Variants in VWF observed in about 807,000 individuals in gnomAD.
The protein encoded by VWF is von Willebrand factor, also known as Factor VIII related antigen.
A neutral mutation model predicts 308.6 loss-of-function variants in VWF; 176 were observed. That is an observed-to-expected ratio of 0.57 (90% CI 0.50 to 0.65). The LOEUF (loss-of-function observed/expected upper bound fraction) is 0.65. VWF is among the 30% of genes least tolerant of loss of function. The probability of loss-of-function intolerance (pLI) is 0.00; values close to 1 mark genes in which losing one functional copy is unlikely to be tolerated. For missense variants in VWF, 3,146 were observed against 3,648.2 expected (o/e 0.86, Z 3.55); for synonymous variants, 1,385 against 1,443.4 (o/e 0.96, Z 0.92).
rs1944350733 is a variant in VWF at position 6,037,515 on chromosome 12, T to C, written c.2443-1024A>G. On this transcript the variant is annotated intron_variant, in intron 18 of 51. Coordinates refer to ENST00000261405, the MANE Select transcript of VWF (RefSeq NM_000552.5). ...GAGCATGTTGTATTCCTCCGGTCTG[T>C]TGGGGCTGAGAAAATAAAAGAACTA... 2.6e-5 allele frequency among the ~76,000 whole-genome samples: 4 copies of C among 152,314 alleles called. No homozygotes were observed. The South Asian group carries it at 8.3e-4, about 32-fold the overall frequency.
chr12:5,982,111 G>A (rs750687753), intron 41 of VWF, 120 bp from the exon 42 acceptor site: 10 of 914,780 alleles, frequency 1.1e-5, no homozygotes, highest in South Asian at 6.0e-5. Context: ...AATGTGTGAG[G>A]GCCAAGCTCA....
Position 6,058,079 on chromosome 12 carries a change from C to T in VWF, c.1534-35G>A. The T allele has an allele frequency of 1.2e-6, 2 of 1,611,646 alleles. No homozygotes were observed. The highest frequency in any genetic ancestry group is 1.7e-6 in the Non-Finnish European group (2 of 1,179,388). ...AGACCAGGCCACTCTGGAGCCGCTGCCGCGAAAGCAGCGGCATAGTTGTTT... is the reference window on the plus strand; with the variant it reads ...AGACCAGGCCACTCTGGAGCCGCTGTCGCGAAAGCAGCGGCATAGTTGTTT... On this transcript the variant is annotated intron_variant, in intron 13 of 51. Transcript: ENST00000261405. The surrounding 1 kb of genome is among the most constrained non-coding windows in gnomAD (Gnocchi z 4.9).
At chr12:5,989,635 T>C (rs1229180604) in intron 38 of VWF, among the ~76,000 whole-genome samples, 1 of 152,212 alleles carries the variant, frequency 6.6e-6, no homozygotes, top group Non-Finnish European at 1.5e-5. Context: ...GAATGCATAT[T>C]CTAATGTGTT....
At position 6,057,834 on chromosome 12, in the gene VWF, C is replaced by T. The variant is rs1250071484; in HGVS notation, c.1729+15G>A. On this transcript the variant is annotated intron_variant, in intron 14 of 51. Transcript: ENST00000261405. ...GATTCTGCGAGGTCCCTGCCTTGCCCCCGGGTTCACATACTCATGCGCGGG... is the reference window on the plus strand; with the variant it reads ...GATTCTGCGAGGTCCCTGCCTTGCCTCCGGGTTCACATACTCATGCGCGGG... 1 of 1,596,530 alleles carries T rather than the reference C, an allele frequency of 6.3e-7. No individual in the cohort carries two copies. The highest frequency in any genetic ancestry group is 1.3e-5 in the African/African-American group (1 of 74,532).
intron 7 of VWF, among the ~76,000 whole-genome samples, chr12:6,074,825 AAC>A (rs890148304): frequency 1.2e-4 from 19 of 152,200 alleles, no homozygotes; most frequent in Admixed American, 7.9e-4. Flanking sequence ...TGGAAGATGA[AAC>A]ACACAGCACG....
rs7980045 is a variant in VWF, at chr12:6,095,449, T to G, written c.657+11A>C. The stretch of plus-strand genomic sequence containing the variant: ...CACCATCCAGGTGCACCCAGGCCAG[T>G]CCACACCCACCTTCTGCATTTCCCC... On this transcript the variant is annotated intron_variant, in intron 6 of 51. Transcript: ENST00000261405. 72,520 of 1,613,852 alleles carry G rather than the reference T, an allele frequency of 0.045. 3,903 individuals carry two copies. The highest frequency in any genetic ancestry group is 0.27 in the African/African-American group (20,432 of 74,918).
chr12:6,099,340 A>AC (rs1487304064), intron 5 of VWF, among the ~76,000 whole-genome samples: 1 of 151,434 alleles, frequency 6.6e-6, no homozygotes, highest in Non-Finnish European at 1.5e-5. Flanking sequence ...AAAAAAAAAA[A>AC]ACCAAGGAAG....
intron 38 of VWF, among the ~76,000 whole-genome samples, chr12:5,988,186 G>A (rs1565820688): frequency 1.3e-5 from 2 of 152,256 alleles, no homozygotes; most frequent in East Asian, 3.9e-4. Flanking sequence ...GAACACTCCC[G>A]CAGTGCCCGG....
At chr12:5,954,566 C>G (rs1027096586) in intron 47 of VWF, among the ~76,000 whole-genome samples, 1 of 152,280 alleles carries the variant, frequency 6.6e-6, no homozygotes, top group South Asian at 2.1e-4. Flanking sequence ...CCTGAGGACT[C>G]AGCAGACAGT....
In VWF at chr12:6,057,949, C is replaced by T. The variant is rs769698846; in HGVS notation, c.1629G>A (p.Glu543=). Reference sequence around the variant, plus strand: ...CGTTCCCGAAGTCCTCCACCCGGGGCTCCGCCAGCCCAGAGGGGGTAAGGA... The same window carrying T: ...CGTTCCCGAAGTCCTCCACCCGGGGTTCCGCCAGCCCAGAGGGGGTAAGGA... The part of the protein sequence containing the change: ...DDFLTPSGLA[E]PRVEDFGNAW... The change falls in exon 14 of 52, where the codon GAG becomes GAA. Residue 543 remains glutamate (E), a synonymous_variant. Transcript: ENST00000261405. The T allele has an allele frequency of 1.2e-6, 2 of 1,613,738 alleles. No individual in the cohort carries two copies. Among genetic ancestry groups the T allele is most frequent in the South Asian group, 2.2e-5 (2 of 91,080 alleles).
intron 43 of VWF, among the ~76,000 whole-genome samples, chr12:5,975,025 G>C (rs216852): frequency 0.59 from 89,698 of 152,132 alleles, 27,874 homozygotes; most frequent in Admixed American, 0.69. Flanking sequence ...GGCCTCAGAT[G>C]GCCTGTGAGA....
intron 39 of VWF, 143 bp from the exon 40 acceptor site, chr12:5,985,262 C>G: frequency 1.2e-6 from 1 of 856,814 alleles, no homozygotes; most frequent in South Asian, 1.5e-5. Flanking sequence ...GGACCTCTGA[C>G]AGATGAGTGT....
chr12:6,123,153 A>G lies in VWF; in HGVS notation c.44T>C (p.Leu15Pro). 6.2e-7 allele frequency: 1 copy of G among 1,614,188 alleles called. No homozygotes were observed. The highest frequency in any genetic ancestry group is 8.5e-7 in the Non-Finnish European group (1 of 1,180,028). Residue 15 changes from leucine (L) to proline (P), a missense_variant, in exon 2 of 52, where the codon CTC becomes CCC. This residue lies in a region of VWF where 1,304 missense variants were observed against 1,353.0 expected (regional missense o/e 0.96). Transcript: ENST00000261405. ...CCTTTTGTACCTACCTGGCAAAATG[A>G]GGGCCAGAGCAAGCAGCACCCCGGC... ...RFAGVLLALA[L>P]ILPGTLCAEG...
At chr12:6,123,513 C>T (rs1210360231) in intron 1 of VWF, among the ~76,000 whole-genome samples, 2 of 152,184 alleles carry the variant, frequency 1.3e-5, no homozygotes, top group African/African-American at 4.8e-5. Flanking sequence ...ATCCCTGCCT[C>T]CTGAAGCAGC....
At chr12:6,112,817 C>A in intron 3 of VWF, among the ~76,000 whole-genome samples, 1 of 143,344 alleles carries the variant, frequency 7.0e-6, no homozygotes, top group South Asian at 2.1e-4. Context: ...ACCACACACA[C>A]AGACACACAG....
In VWF at chr12:6,110,421, C is replaced by G; in HGVS notation, c.485G>C (p.Cys162Ser). 1 of 1,614,182 alleles carries G rather than the reference C, an allele frequency of 6.2e-7. No homozygotes were observed. Among genetic ancestry groups the G allele is most frequent in the Non-Finnish European group, 8.5e-7 (1 of 1,180,022 alleles). Reference sequence around the variant, plus strand: ...TTCAGCAAAGATGTTAAAGTTGCCACACAGCCCGCAGGTCTTGTTGAAGTA... The same window carrying G: ...TTCAGCAAAGATGTTAAAGTTGCCAGACAGCCCGCAGGTCTTGTTGAAGTA... ...DRYFNKTCGLCGNFNIFAEDD... is the reference protein window; with the variant it reads ...DRYFNKTCGLSGNFNIFAEDD... Residue 162 changes from cysteine to serine, a missense_variant, in exon 5 of 52, where the codon TGT (cysteine) becomes TCT (serine). Physicochemically the swap from Cys to Ser is moderately radical, Grantham distance 112 (BLOSUM62 -1). Coordinates refer to ENST00000261405, the MANE Select transcript of VWF (RefSeq NM_000552.5).
At position 5,985,067 on chromosome 12, in the gene VWF, C is replaced by G; in HGVS notation, c.6954G>C (p.Gln2318His). The G allele has an allele frequency of 1.9e-6, 3 of 1,614,216 alleles. No homozygotes were observed. The South Asian group carries it at 3.3e-5, about 18-fold the overall frequency. The stretch of plus-strand genomic sequence containing the variant: ...TACCACACTCATACTCGGGGCAGCA[C>G]TGGTCTGCATTCTGGCGGAGGCGGG... ...EVARLRQNADQCCPEYECVCD... is the reference protein window; with the variant it reads ...EVARLRQNADHCCPEYECVCD... The change falls in exon 40 of 52, where the codon CAG becomes CAC. Residue 2318 changes from glutamine (Q) to histidine (H), a missense_variant. Gln to His is a conservative substitution (Grantham distance 24, BLOSUM62 0). This residue lies in a region of VWF where 989 missense variants were observed against 1,117.4 expected (regional missense o/e 0.89). Coordinates refer to ENST00000261405, the MANE Select transcript of VWF (RefSeq NM_000552.5).
At chr12:6,121,456 G>A (rs571140125) in intron 2 of VWF, 118 bp from the exon 3 acceptor site, 103 of 1,317,612 alleles carry the variant, frequency 7.8e-5, no homozygotes, top group African/African-American at 2.6e-4. Flanking sequence ...GGGCTGTGGG[G>A]AGGTATTTTC....
In VWF at chr12:5,957,926, C is replaced by A. The variant is rs79792655; in HGVS notation, c.7888-4332G>T. 4.7e-3 allele frequency among the ~76,000 whole-genome samples: 712 copies of A among 152,238 alleles called. 7 individuals are homozygous for A. The highest frequency in any genetic ancestry group is 0.016 in the African/African-American group (650 of 41,552). On this transcript the variant is annotated intron_variant, in intron 47 of 51. Coordinates refer to ENST00000261405, the MANE Select transcript of VWF (RefSeq NM_000552.5). ...ATAATAGCAATACCTTGTGGAATTT[C>A]TCTCTTCTTATGTAGAAGTAAACTG...
Sources: allele counts gnomAD v4.1 joint callset (sites outside exome capture counted in the v4.1 genomes callset), GRCh38; gene constraint gnomAD v4.1.1; regional missense constraint gnomAD v4.1.1; non-coding constraint Gnocchi (gnomAD v3.1); transcripts MANE v1.5; gene names NCBI Gene and HGNC (gene_info 2026-07-23, HGNC 2026-07-21).